The following APOD variants were observed in gnomAD, a reference collection of about 807,000 sequenced individuals.
The protein encoded by APOD is apolipoprotein D.
Under a neutral mutation model 20.4 loss-of-function variants are expected in APOD, and 22 were observed. The observed-to-expected ratio is 1.08, with a 90% CI of 0.77 to 1.54. The LOEUF is 1.54. APOD is among the 40% of genes most tolerant of loss of function. The pLI is 0.00. For synonymous variants in APOD, 97 were observed against 92.4 expected (o/e 1.05, Z -0.29); for missense variants, 223 against 229.6 (o/e 0.97, Z 0.19).
At chr3:195,581,609 T>A (rs1720339777) in intron 1 of APOD, among the ~76,000 whole-genome samples, 1 of 152,102 alleles carries the variant, frequency 6.6e-6, no homozygotes, top group Admixed American at 6.6e-5. Flanking sequence ...TCGAGCTCCA[T>A]CTCCCCCTCT....
chr3:195,577,313 T>C (rs1333359063), intron 2 of APOD: 25 of 205,488 alleles, frequency 1.2e-4, no homozygotes. Flanking sequence ...CTACAAAGTA[T>C]TGTTGAAAGA....
At chr3:195,571,178 TG>T in intron 4 of APOD, 98 bp downstream of exon 4, 1 of 970,118 alleles carries the variant, frequency 1.0e-6, no homozygotes, top group Non-Finnish European at 1.7e-6. Context: ...TGATTATAGA[TG>T]ACACTCAGGT....
At chr3:195,579,027 C>T (rs574397627) in intron 2 of APOD, among the ~76,000 whole-genome samples, 1 of 152,166 alleles carries the variant, frequency 6.6e-6, no homozygotes, top group Non-Finnish European at 1.5e-5. Flanking sequence ...GCATGCTCCA[C>T]GTGTCCTCAG....
chr3:195,569,150 G>C lies in APOD; in HGVS notation c.335-15C>G. On this transcript the variant is annotated splice_polypyrimidine_tract_variant and intron_variant, in intron 4 of 4. Transcript: ENST00000343267. ...CGATGGCATAACTGAGAACCAGAGA[G>C]AGGCAGCATTATTGGAGGGAGAGGG... 6.2e-7 allele frequency: 1 copy of C among 1,607,924 alleles called. No homozygotes were observed.
chr3:195,571,073 G>C (rs1577602034), intron 4 of APOD: 1 of 594,040 alleles, frequency 1.7e-6, no homozygotes, highest in Non-Finnish European at 3.0e-6. Context: ...TGGGATGTGA[G>C]CTCCATAAGT....
intron 2 of APOD, among the ~76,000 whole-genome samples, chr3:195,577,672 C>T (rs1385456976): frequency 6.6e-6 from 1 of 152,156 alleles, no homozygotes; most frequent in Non-Finnish European, 1.5e-5. Flanking sequence ...AAAATAAACT[C>T]TCACATATAC....
At chr3:195,575,314 C>G (rs891770539) in intron 2 of APOD, among the ~76,000 whole-genome samples, 2 of 152,190 alleles carry the variant, frequency 1.3e-5, no homozygotes, top group Non-Finnish European at 2.9e-5. Flanking sequence ...CCTGGATAAT[C>G]AAGGCTAATC....
chr3:195,572,486 T>C (rs908129235), intron 3 of APOD, among the ~76,000 whole-genome samples: 1 of 152,214 alleles, frequency 6.6e-6, no homozygotes, highest in Admixed American at 6.5e-5. Flanking sequence ...GGGGCTTAGA[T>C]TGGATGCAAT....
chr3:195,573,707 A>G, intron 3 of APOD, 143 bp downstream of exon 3: 6 of 1,115,588 alleles, frequency 5.4e-6, no homozygotes, highest in Non-Finnish European at 7.6e-6. Context: ...TTGCCTGCCA[A>G]ACGCTTTCCT....
chr3:195,579,843 C>T (rs1720305120), intron 1 of APOD, among the ~76,000 whole-genome samples: 1 of 152,182 alleles, frequency 6.6e-6, no homozygotes, highest in South Asian at 2.1e-4. Flanking sequence ...TCAGTAGATA[C>T]TTGTCAAATG....
At chr3:195,580,652 G>A (rs979003134) in intron 1 of APOD, among the ~76,000 whole-genome samples, 5 of 152,128 alleles carry the variant, frequency 3.3e-5, no homozygotes, top group South Asian at 4.1e-4. Context: ...GGATCCACCC[G>A]CCTTGGCCTC....
Position 195,579,402 on chromosome 3 carries a change from T to C in APOD, c.60A>G (p.Gly20=). 1.2e-6 allele frequency: 2 copies of C among 1,614,146 alleles called. No individual in the cohort carries two copies. The highest frequency in any genetic ancestry group is 1.7e-6 in the Non-Finnish European group (2 of 1,180,018). Residue 20 remains glycine, a synonymous_variant, in exon 2 of 5, where the codon GGA becomes GGG. Coordinates refer to ENST00000343267, the MANE Select transcript of APOD (RefSeq NM_001647.4). ...ALAGLFGAAE[G]QAFHLGKCPN... Reference sequence around the variant, plus strand: ...GGCACTTCCCAAGATGAAATGCTTGTCCCTCTGCCGCACCGAAGAGGCCAG... The same window carrying C: ...GGCACTTCCCAAGATGAAATGCTTGCCCCTCTGCCGCACCGAAGAGGCCAG...
chr3:195,576,703 G>C (rs1244201039), intron 2 of APOD, among the ~76,000 whole-genome samples: 1 of 151,756 alleles, frequency 6.6e-6, no homozygotes, highest in Non-Finnish European at 1.5e-5. Flanking sequence ...CCAGCTACTC[G>C]GGAGGCTGAG....
At chr3:195,573,798 ACT>A in intron 3 of APOD, 50 bp downstream of exon 3, 1 of 1,593,926 alleles carries the variant, frequency 6.3e-7, no homozygotes, top group African/African-American at 1.3e-5. Flanking sequence ...ACACCCAGTC[ACT>A]CTGCATCAGC....
intron 1 of APOD, among the ~76,000 whole-genome samples, chr3:195,582,135 G>A (rs1212356146): frequency 6.6e-6 from 1 of 152,008 alleles, no homozygotes; most frequent in Non-Finnish European, 1.5e-5. Context: ...TGGAGGTTGT[G>A]GTGAGCTGAG....
At chr3:195,569,189 AG>A in intron 4 of APOD, 54 bp from the exon 5 acceptor site, 1 of 1,490,546 alleles carries the variant, frequency 6.7e-7, no homozygotes, top group South Asian at 1.1e-5. Flanking sequence ...GAGAAATCTC[AG>A]GACAACACAA....
Position 195,579,306 on chromosome 3 carries a change from G to A in APOD, c.123+33C>T, listed in dbSNP as rs771574116. 76 of 1,613,358 alleles carry A rather than the reference G, an allele frequency of 4.7e-5. No homozygotes were observed. The Admixed American group carries it at 8.8e-4, about 19-fold the overall frequency. ...TTGTAGAACGCTTATTCACAGCGGAGGCAGCAAAACAAACGGGAGGTTCGC... is the reference window on the plus strand; with the variant it reads ...TTGTAGAACGCTTATTCACAGCGGAAGCAGCAAAACAAACGGGAGGTTCGC... On this transcript the variant is annotated intron_variant, in intron 2 of 4. Transcript: ENST00000343267.
At chr3:195,578,395 C>T (rs181335633) in intron 2 of APOD, among the ~76,000 whole-genome samples, 2 of 152,270 alleles carry the variant, frequency 1.3e-5, no homozygotes, top group African/African-American at 2.4e-5. Flanking sequence ...AACACTCATT[C>T]ACCTTGAGGT....
intron 4 of APOD, chr3:195,570,886 C>T (rs143341745): frequency 1.6e-5 from 3 of 184,998 alleles, no homozygotes; most frequent in Admixed American, 5.5e-5. Context: ...CTAGTTTCTG[C>T]GCCGTGCAGG....
Sources: gnomAD v4.1 joint callset for allele counts (sites outside exome capture counted in the v4.1 genomes callset) on GRCh38, gnomAD v4.1.1 for gene constraint, MANE v1.5 for transcripts, NCBI Gene and HGNC (gene_info 2026-07-23, HGNC 2026-07-21) for gene names.